The following KIRREL3 variants were observed in gnomAD, a reference collection of about 807,000 sequenced individuals.
The protein encoded by KIRREL3 is kirre like nephrin family adhesion molecule 3, also known as kin of IRRE-like protein 3.
Under a neutral mutation model 89.7 loss-of-function variants are expected in KIRREL3, and 36 were observed. That is an observed-to-expected ratio of 0.40 (90% CI 0.31 to 0.53). The LOEUF (loss-of-function observed/expected upper bound fraction) is 0.53. Ranked by LOEUF, KIRREL3 falls within the 20% of genes least tolerant of loss-of-function variation. The probability of loss-of-function intolerance (pLI) is 0.49; values close to 1 mark genes in which losing one functional copy is unlikely to be tolerated. For missense variants in KIRREL3, 864 were observed against 1,056.6 expected (o/e 0.82, Z 2.53); for synonymous variants, 445 against 441.4 (o/e 1.01, Z -0.10).
intron 1 of KIRREL3, among the ~76,000 whole-genome samples, chr11:126,949,169 A>G (rs777899130): frequency 1.3e-5 from 2 of 152,204 alleles, no homozygotes; most frequent in Non-Finnish European, 2.9e-5. Flanking sequence ...GTCTACAGGT[A>G]TGATTTCTGG....
chr11:126,806,773 C>T (rs1287161033), intron 1 of KIRREL3, among the ~76,000 whole-genome samples: 1 of 152,084 alleles, frequency 6.6e-6, no homozygotes, highest in African/African-American at 2.4e-5. Flanking sequence ...CCCATCAACC[C>T]ATCATCTAGG....
chr11:126,465,724 G>A (rs1379342781), intron 5 of KIRREL3, among the ~76,000 whole-genome samples: 1 of 152,170 alleles, frequency 6.6e-6, no homozygotes, highest in African/African-American at 2.4e-5. Context: ...AGAGTGACGT[G>A]GCCAGATGCA....
At position 126,610,921 on chromosome 11, in the gene KIRREL3, C is replaced by T. The variant is rs556963011; in HGVS notation, c.56-48009G>A. 5 of 152,092 alleles carry T rather than the reference C, an allele frequency of 3.3e-5. No individual in the cohort carries two copies. The highest frequency in any genetic ancestry group is 7.2e-5 in the African/African-American group (3 of 41,398). 9.4% of individuals were successfully genotyped at this position (152,092 alleles called of 1,614,324 possible). On this transcript the variant is annotated intron_variant, in intron 1 of 16. Transcript: ENST00000525144. The surrounding 1 kb of genome is among the most constrained non-coding windows in gnomAD (Gnocchi z 4.6). ...CTTGGCCTTAGCAGTTTGACTCGGG[C>T]GGGGGTTTGAAGCTGGAACTTTTCA... is the stretch of plus-strand genomic sequence containing the variant.
In KIRREL3 at chr11:126,923,177, T is replaced by TC. The variant is rs1363772128; in HGVS notation, c.55+77277dup. 1.6e-3 allele frequency among the ~76,000 whole-genome samples: 14 copies of TC among 8,842 alleles called. 1 individual carries two copies. The highest frequency in any genetic ancestry group is 2.5e-3 in the Non-Finnish European group (11 of 4,390). The allele number at this position is 8,842 out of a possible 152,430, so 5.8% of individuals were successfully genotyped here. On this transcript the variant is annotated intron_variant, in intron 1 of 16. Coordinates refer to ENST00000525144, the MANE Select transcript of KIRREL3 (RefSeq NM_032531.4). ...CTTCTTCTTCTTCTTCTTCTTCTTC[T>TC]CTTCTTCTTCTCTTCTTCTTCTTCT...
At chr11:126,727,495 A>T (rs1188952676) in intron 1 of KIRREL3, among the ~76,000 whole-genome samples, 1 of 152,208 alleles carries the variant, frequency 6.6e-6, no homozygotes, top group Non-Finnish European at 1.5e-5. Context: ...GTCCATGGTA[A>T]GTCTGGAGGC....
At chr11:126,621,110 T>C (rs1031615118) in intron 1 of KIRREL3, among the ~76,000 whole-genome samples, 1 of 152,254 alleles carries the variant, frequency 6.6e-6, no homozygotes, top group African/African-American at 2.4e-5. Flanking sequence ...GTTTAAATTC[T>C]AGTACCATAT....
intron 16 of KIRREL3, among the ~76,000 whole-genome samples, chr11:126,425,287 G>T (rs1954897734): frequency 6.6e-6 from 1 of 152,230 alleles, no homozygotes; most frequent in African/African-American, 2.4e-5. Context: ...GAGGGCCGAA[G>T]GAGGGAAGCA....
intron 1 of KIRREL3, among the ~76,000 whole-genome samples, chr11:126,804,834 C>T (rs1023010744): frequency 1.3e-5 from 2 of 152,142 alleles, no homozygotes; most frequent in African/African-American, 4.8e-5. Flanking sequence ...ATGTTGGGTG[C>T]AGGCTTCAGG....
rs781041087 is a variant in KIRREL3, at chr11:126,463,180, G to T, written c.719C>A (p.Thr240Lys). Reference sequence around the variant, plus strand: ...ACGCTGGATGTCAATGGTGACCGACGTCTCCTTTCCTCCGGGGATGGCTTT... The same window carrying T: ...ACGCTGGATGTCAATGGTGACCGACTTCTCCTTTCCTCCGGGGATGGCTTT... Reference protein sequence around the residue: ...TNKAIPGGKETSVTIDIQHPP... With the variant: ...TNKAIPGGKEKSVTIDIQHPP... The change falls in exon 6 of 17, where the codon ACG (threonine) becomes AAG (lysine). Residue 240 changes from threonine to lysine, a missense_variant. Coordinates refer to ENST00000525144, the MANE Select transcript of KIRREL3 (RefSeq NM_032531.4). The surrounding 1 kb of genome is among the most constrained non-coding windows in gnomAD (Gnocchi z 5.9). The T allele has an allele frequency of 1.2e-6, 2 of 1,613,618 alleles. No individual in the cohort carries two copies. Among genetic ancestry groups the T allele is most frequent in the Non-Finnish European group, 1.7e-6 (2 of 1,179,854 alleles).
chr11:126,864,851 T>G (rs527835488), intron 1 of KIRREL3, among the ~76,000 whole-genome samples: 1 of 152,270 alleles, frequency 6.6e-6, no homozygotes, highest in Admixed American at 6.5e-5. Flanking sequence ...CTCTCCATCA[T>G]GCATATACCA....
intron 1 of KIRREL3, among the ~76,000 whole-genome samples, chr11:126,662,799 A>G (rs1387001044): frequency 6.6e-6 from 1 of 151,916 alleles, no homozygotes; most frequent in African/African-American, 2.4e-5. Context: ...AGAAAGTCAC[A>G]TGGAGGCAGA....
chr11:126,503,123 C>A (rs1394764056), intron 4 of KIRREL3, among the ~76,000 whole-genome samples: 1 of 152,214 alleles, frequency 6.6e-6, no homozygotes, highest in Non-Finnish European at 1.5e-5. Flanking sequence ...GATTGCCACA[C>A]AGATAGAAAC....
intron 11 of KIRREL3, among the ~76,000 whole-genome samples, chr11:126,437,684 C>T (rs1405345841): frequency 2.0e-5 from 3 of 151,074 alleles, no homozygotes; most frequent in Non-Finnish European, 4.4e-5. Flanking sequence ...CACGACACCA[C>T]ATCTACACGC....
In KIRREL3 at chr11:126,531,239, T is replaced by C. The variant is rs1958934202; in HGVS notation, c.134-4552A>G. ...CCACTGCTAGCACCCAAGTTCAAGC[T>C]CTCGTTGCCTCAACCTGGGCTCTTG... On this transcript the variant is annotated intron_variant, in intron 2 of 16. Coordinates refer to ENST00000525144, the MANE Select transcript of KIRREL3 (RefSeq NM_032531.4). This position sits in a 1 kb window ranked among gnomAD's most constrained non-coding sequence, Gnocchi z 4.7. Among the ~76,000 whole-genome samples, 1 of 152,104 alleles carries C rather than the reference T, an allele frequency of 6.6e-6. No homozygotes were observed. The highest frequency in any genetic ancestry group is 1.5e-5 in the Non-Finnish European group (1 of 68,042).
In KIRREL3 at chr11:126,431,390, C is replaced by T; in HGVS notation, c.1696+29G>A. The T allele has an allele frequency of 1.2e-6, 2 of 1,613,164 alleles. No homozygotes were observed. The highest frequency in any genetic ancestry group is 1.7e-6 in the Non-Finnish European group (2 of 1,179,572). Reference sequence around the variant, plus strand: ...GCCTGGCCTTTTTCTCTGTCCCCCTCCCTGAGATCCCGGATCTCCCTCCCG... The same window carrying T: ...GCCTGGCCTTTTTCTCTGTCCCCCTTCCTGAGATCCCGGATCTCCCTCCCG... On this transcript the variant is annotated intron_variant, in intron 14 of 16. Transcript: ENST00000525144. The surrounding 1 kb of genome is among the most constrained non-coding windows in gnomAD (Gnocchi z 7.1).
intron 1 of KIRREL3, among the ~76,000 whole-genome samples, chr11:126,856,744 T>C (rs995533379): frequency 2.0e-5 from 3 of 151,690 alleles, no homozygotes; most frequent in Non-Finnish European, 4.4e-5. Context: ...GCCTCCTGAG[T>C]AGCTGGGACT....
intron 1 of KIRREL3, among the ~76,000 whole-genome samples, chr11:126,822,233 G>T (rs1943249487): frequency 6.6e-6 from 1 of 152,302 alleles, no homozygotes; most frequent in Admixed American, 6.5e-5. Flanking sequence ...CTGAGACATA[G>T]TAAGGGCCCT....
intron 4 of KIRREL3, among the ~76,000 whole-genome samples, chr11:126,509,911 T>G (rs1348031220): frequency 1.5e-5 from 2 of 129,478 alleles, no homozygotes; most frequent in African/African-American, 5.8e-5. Flanking sequence ...CACTTGAACC[T>G]GGGAGGCAGA....
At chr11:126,822,754 G>A (rs930614321) in intron 1 of KIRREL3, among the ~76,000 whole-genome samples, 1 of 152,136 alleles carries the variant, frequency 6.6e-6, no homozygotes, top group Non-Finnish European at 1.5e-5. Flanking sequence ...CTGATGTCTG[G>A]GTTGGGCTGG....
Sources: gnomAD v4.1 joint callset for allele counts (sites outside exome capture counted in the v4.1 genomes callset) on GRCh38, gnomAD v4.1.1 for gene constraint, Gnocchi (gnomAD v3.1) non-coding constraint, MANE v1.5 for transcripts, NCBI Gene and HGNC (gene_info 2026-07-23, HGNC 2026-07-21) for gene names.